SLC15A2: variants seen among roughly 807,000 people sequenced by gnomAD.
The protein encoded by SLC15A2 is solute carrier family 15 member 2, also known as kidney H(+)/peptide cotransporter.
A neutral mutation model predicts 95.5 loss-of-function variants in SLC15A2; 77 were observed. The ratio of observed to expected loss-of-function variants is 0.81; its 90% CI spans 0.67 to 0.97. The LOEUF is 0.97. Among genes scored for constraint, SLC15A2 ranks in the 50% least tolerant of loss-of-function variants. The probability of loss-of-function intolerance (pLI) is 0.00; values close to 1 mark genes in which losing one functional copy is unlikely to be tolerated. For synonymous variants in SLC15A2, 306 were observed against 306.9 expected, an observed-to-expected ratio of 1.00 and a Z score of 0.03; for missense variants, 893 against 874.4, an observed-to-expected ratio of 1.02 and a Z score of -0.27.
intron 3 of SLC15A2, among the ~76,000 whole-genome samples, chr3:121,899,638 A>G (rs1709486980): frequency 6.6e-6 from 1 of 152,164 alleles, no homozygotes; most frequent in Admixed American, 6.5e-5. Context: ...ATCCAATTCA[A>G]TTTAATTTGA....
chr3:121,938,430 G>T (rs1331252728), intron 19 of SLC15A2, among the ~76,000 whole-genome samples: 1 of 152,214 alleles, frequency 6.6e-6, no homozygotes, highest in Non-Finnish European at 1.5e-5. Context: ...CGTGGGCGTA[G>T]GACCCTCCCA....
chr3:121,922,372 C>A, intron 8 of SLC15A2, 70 bp downstream of exon 8: 1 of 1,227,426 alleles, frequency 8.1e-7, no homozygotes, highest in Non-Finnish European at 1.2e-6. Flanking sequence ...GAATATGGGC[C>A]TTCAAACGTG....
Position 121,911,580 on chromosome 3 carries a change from C to T in SLC15A2, c.342C>T (p.Ile114=). The T allele has an allele frequency of 6.2e-7, 1 of 1,612,958 alleles. No individual in the cohort carries two copies. The highest frequency in any genetic ancestry group is 8.5e-7 in the Non-Finnish European group (1 of 1,178,944). The change falls in exon 4 of 22, where the codon ATC becomes ATT. Residue 114 remains isoleucine, a synonymous_variant. Coordinates refer to ENST00000489711, the MANE Select transcript of SLC15A2 (RefSeq NM_021082.4). Reference sequence around the variant, plus strand: ...GATTTAGCTCTCTCAACAGGACAATCATCTATCTCTCCTTGGTGTATGTGC... The same window carrying T: ...GATTTAGCTCTCTCAACAGGACAATTATCTATCTCTCCTTGGTGTATGTGC... The part of the protein sequence containing the change: ...ADSWLGKFKT[I]IYLSLVYVLG...
At chr3:121,899,769 C>T (rs1292086110) in intron 3 of SLC15A2, among the ~76,000 whole-genome samples, 2 of 152,094 alleles carry the variant, frequency 1.3e-5, no homozygotes, top group African/African-American at 4.8e-5. Flanking sequence ...ATTCAAATAG[C>T]TTTAATACAG....
intron 3 of SLC15A2, among the ~76,000 whole-genome samples, chr3:121,904,112 A>G (rs1014786989): frequency 5.3e-5 from 8 of 152,136 alleles, no homozygotes; most frequent in Admixed American, 3.9e-4. Flanking sequence ...CTTTGTAGCA[A>G]TTGTGGATGG....
In SLC15A2 at chr3:121,927,814, C is replaced by G; in HGVS notation, c.1181C>G (p.Ala394Gly). 6.2e-7 allele frequency: 1 copy of G among 1,613,576 alleles called. No homozygotes were observed. Among genetic ancestry groups the G allele is most frequent in the Non-Finnish European group, 8.5e-7 (1 of 1,179,552 alleles). ...MILACLAFAVAAAVEIKINEM... is the reference protein window; with the variant it reads ...MILACLAFAVGAAVEIKINEM... Reference sequence around the variant, plus strand: ...CTAGCATGCCTGGCATTTGCAGTTGCGGCAGCTGTAGAGATAAAAATAAAT... The same window carrying G: ...CTAGCATGCCTGGCATTTGCAGTTGGGGCAGCTGTAGAGATAAAAATAAAT... The change falls in exon 14 of 22, where the codon GCG becomes GGG. Residue 394 changes from alanine (A) to glycine (G), a missense_variant. Physicochemically the swap from Ala to Gly is moderately conservative, Grantham distance 60. Coordinates refer to ENST00000489711, the MANE Select transcript of SLC15A2 (RefSeq NM_021082.4).
rs960245618 is a variant in SLC15A2 at position 121,943,406 on chromosome 3, A to G, written c.*2399A>G. On this transcript the variant is annotated 3_prime_UTR_variant, in exon 22 of 22. Transcript: ENST00000489711. Reference sequence around the variant, plus strand: ...TCGGTTCCTGTAATGGTTCCTCACCAGGCATAATTTGTCCTTTTACCATCC... The same window carrying G: ...TCGGTTCCTGTAATGGTTCCTCACCGGGCATAATTTGTCCTTTTACCATCC... 6.6e-6 allele frequency: 1 copy of G among 152,210 alleles called. No individual in the cohort carries two copies. Among genetic ancestry groups the G allele is most frequent in the Non-Finnish European group, 1.5e-5 (1 of 68,036 alleles). The allele number at this position is 152,210 out of a possible 1,614,324, so 9.4% of individuals were successfully genotyped here.
At chr3:121,897,734 T>G (rs1028555174) in intron 3 of SLC15A2, among the ~76,000 whole-genome samples, 27 of 152,258 alleles carry the variant, frequency 1.8e-4, no homozygotes, top group African/African-American at 5.5e-4. Flanking sequence ...TTATCAATTT[T>G]TCCAATGTGT....
Position 121,920,601 on chromosome 3 carries a change from G to A in SLC15A2, c.698-1619G>A, listed in dbSNP as rs1709986504. Among the ~76,000 whole-genome samples the A allele has an allele frequency of 2.6e-5, 4 of 152,102 alleles. No homozygotes were observed. In the South Asian group the frequency reaches 8.3e-4, roughly 32 times the overall value. The stretch of plus-strand genomic sequence containing the variant: ...GTGAGCCACCGCGCCCAGCCGTCTA[G>A]GTACTTTTTTATCTGCCCACTTGAC... On this transcript the variant is annotated intron_variant, in intron 7 of 21. Transcript: ENST00000489711.
At chr3:121,933,224 G>A (rs1216478765) in intron 19 of SLC15A2, among the ~76,000 whole-genome samples, 11 of 150,620 alleles carry the variant, frequency 7.3e-5, no homozygotes, top group African/African-American at 2.5e-4. Context: ...ATAAACATAT[G>A]TGTGCATGTG....
At chr3:121,923,191 G>A (rs200305023) in intron 10 of SLC15A2, 31 bp from the exon 11 acceptor site, 23 of 1,613,724 alleles carry the variant, frequency 1.4e-5, no homozygotes, top group Non-Finnish European at 1.8e-5. Flanking sequence ...ACAGGAAAGG[G>A]ATTTCTCATA....
At chr3:121,899,851 T>G (rs768552722) in intron 3 of SLC15A2, among the ~76,000 whole-genome samples, 1 of 152,214 alleles carries the variant, frequency 6.6e-6, no homozygotes, top group Non-Finnish European at 1.5e-5. Flanking sequence ...CTAAGATCAC[T>G]GGTAAGAATT....
At chr3:121,934,962 T>G (rs1212423913) in intron 19 of SLC15A2, among the ~76,000 whole-genome samples, 1 of 144,914 alleles carries the variant, frequency 6.9e-6, no homozygotes, top group African/African-American at 2.4e-5. Flanking sequence ...TATTGAGAGT[T>G]TTTAGCATGA....
Position 121,915,316 on chromosome 3 carries a change from A to T in SLC15A2, c.618A>T (p.Arg206Ser). ...CTACATTTATCACACCCATGCTGAG[A>T]GGTTAGGATTTTTTTGAGGGGCCCT... ...LISTFITPML[R>S]GDVQCFGEDC... Residue 206 changes from arginine to serine, a missense_variant and splice_region_variant, in exon 6 of 22, where the codon AGA (arginine) becomes AGT (serine). By Grantham distance (110) the Arg-to-Ser change is moderately radical. Transcript: ENST00000489711. 3 of 1,582,980 alleles carry T rather than the reference A, an allele frequency of 1.9e-6. No individual in the cohort carries two copies. Among genetic ancestry groups the T allele is most frequent in the Non-Finnish European group, 1.7e-6 (2 of 1,165,664 alleles).
At chr3:121,940,360 C>T (rs1306239357) in intron 20 of SLC15A2, 24 bp from the exon 21 acceptor site, 12 of 1,594,830 alleles carry the variant, frequency 7.5e-6, no homozygotes, top group Non-Finnish European at 9.5e-6. Flanking sequence ...GGTTTGTTTA[C>T]TTTCAAACTT....
At chr3:121,938,081 G>T (rs554300755) in intron 19 of SLC15A2, among the ~76,000 whole-genome samples, 55 of 151,880 alleles carry the variant, frequency 3.6e-4, no homozygotes, top group Non-Finnish European at 7.1e-4. Context: ...CTGCTCAGGG[G>T]TCAGGGGTCA....
intron 14 of SLC15A2, 58 bp downstream of exon 14, chr3:121,927,897 C>G: frequency 7.5e-7 from 1 of 1,326,616 alleles, no homozygotes; most frequent in Non-Finnish European, 1.1e-6. Flanking sequence ...CTTATTTGCT[C>G]TTTTGACTTG....
chr3:121,932,197 C>T (rs1331675501), intron 19 of SLC15A2, among the ~76,000 whole-genome samples: 1 of 152,144 alleles, frequency 6.6e-6, no homozygotes, highest in Non-Finnish European at 1.5e-5. Context: ...AGTCACCGCA[C>T]CTGGCTCTAC....
At position 121,909,022 on chromosome 3, in the gene SLC15A2, G is replaced by C. The variant is rs148352711; in HGVS notation, c.336-2552G>C. Among the ~76,000 whole-genome samples the C allele has an allele frequency of 4.7e-3, 709 of 151,932 alleles. 6 individuals are homozygous for C. Among genetic ancestry groups the C allele is most frequent in the African/African-American group, 0.016 (673 of 41,480 alleles). On this transcript the variant is annotated intron_variant, in intron 3 of 21. Transcript: ENST00000489711. ...ACCCCATCTCTACAATAAAAAAAAA[G>C]TCACTGTTCATTTATTTATTTTTAT...
Sources: allele counts gnomAD v4.1 joint callset (sites outside exome capture counted in the v4.1 genomes callset), GRCh38; gene constraint gnomAD v4.1.1; transcripts MANE v1.5; gene names NCBI Gene and HGNC (gene_info 2026-07-23, HGNC 2026-07-21).